Variants in ZNF704 observed in about 807,000 individuals in gnomAD.
The protein encoded by ZNF704 is glucocorticoid induced gene 1.
Under a neutral mutation model 44.7 loss-of-function variants are expected in ZNF704, and 10 were observed. That is an observed-to-expected ratio of 0.22 (90% CI 0.14 to 0.38). The LOEUF (loss-of-function observed/expected upper bound fraction) is 0.38, where lower values mean the gene tolerates loss of function less well. Among genes scored for constraint, ZNF704 ranks in the 10% least tolerant of loss-of-function variants. The probability of loss-of-function intolerance (pLI) is 1.00; values close to 1 mark genes in which losing one functional copy is unlikely to be tolerated. For synonymous variants in ZNF704, 211 were observed against 207.6 expected (o/e 1.02, Z -0.14); for missense variants, 390 against 545.5 (o/e 0.71, Z 2.84).
chr8:80,870,767 T>C (rs971351161), intron 1 of ZNF704, among the ~76,000 whole-genome samples: 3 of 152,122 alleles, frequency 2.0e-5, no homozygotes, highest in African/African-American at 4.8e-5. Flanking sequence ...AGGCTTTACA[T>C]GACATTAACA....
rs185733044 is a variant in ZNF704, at chr8:80,684,716, T to C, written c.558+2510A>G. ...CATCACGAACACAGCATTTACCACTTGTAATTATTGCCTTTTTACACATCA... is the reference window on the plus strand; with the variant it reads ...CATCACGAACACAGCATTTACCACTCGTAATTATTGCCTTTTTACACATCA... On this transcript the variant is annotated intron_variant, in intron 4 of 8. Transcript: ENST00000327835. Among the ~76,000 whole-genome samples, 326 of 152,322 alleles carry C rather than the reference T, an allele frequency of 2.1e-3. 2 individuals are homozygous for C. The highest frequency in any genetic ancestry group is 3.3e-3 in the Non-Finnish European group (225 of 68,026).
intron 2 of ZNF704, among the ~76,000 whole-genome samples, chr8:80,735,551 A>C (rs1180027440): frequency 6.6e-6 from 1 of 152,226 alleles, no homozygotes; most frequent in East Asian, 1.9e-4. Context: ...TCCAAATCTA[A>C]GTAAAGGAGT....
chr8:80,648,743 G>A (rs917810388), intron 7 of ZNF704, among the ~76,000 whole-genome samples: 6 of 152,020 alleles, frequency 3.9e-5, no homozygotes, highest in Admixed American at 1.3e-4. Flanking sequence ...TTTAATCTTC[G>A]CAACAACCCT....
In ZNF704 at chr8:80,640,136, TTCTTAAATGAATAGC is replaced by T. The variant is rs1563499917; in HGVS notation, c.*1215_*1229del. 6.6e-6 allele frequency: 1 copy of T among 152,638 alleles called. No individual in the cohort carries two copies. The highest frequency in any genetic ancestry group is 2.4e-5 in the African/African-American group (1 of 41,448). The allele number at this position is 152,638 out of a possible 1,614,324, so 9.5% of individuals were successfully genotyped here. On this transcript the variant is annotated 3_prime_UTR_variant, in exon 9 of 9. Transcript: ENST00000327835. ...GGCGTTATGTTCCCTTTTGAGCAAATTCTTAAATGAATAGCTCCAATATTTTTATAAGAAAAACTT... is the reference window on the plus strand; with the variant it reads ...GGCGTTATGTTCCCTTTTGAGCAAATTCCAATATTTTTATAAGAAAAACTT...
intron 3 of ZNF704, among the ~76,000 whole-genome samples, chr8:80,692,218 C>CA (rs1165797918): frequency 6.6e-6 from 1 of 152,046 alleles, no homozygotes; most frequent in Non-Finnish European, 1.5e-5. Context: ...TTATATGAGA[C>CA]AAAATCATAT....
In ZNF704 at chr8:80,639,676, T is replaced by G. The variant is rs1303207236; in HGVS notation, c.*1690A>C. On this transcript the variant is annotated 3_prime_UTR_variant, in exon 9 of 9. Transcript: ENST00000327835. Reference sequence around the variant, plus strand: ...AATATGTGAATGCACAGATTGTGGATGTTGCACTGTAGAACCTCCTTATAC... The same window carrying G: ...AATATGTGAATGCACAGATTGTGGAGGTTGCACTGTAGAACCTCCTTATAC... The G allele has an allele frequency of 6.6e-6, 1 of 152,618 alleles. No homozygotes were observed. The allele number at this position is 152,618 out of a possible 1,614,324, so 9.5% of individuals were successfully genotyped here.
chr8:80,771,408 C>T (rs1807317677), intron 2 of ZNF704, among the ~76,000 whole-genome samples: 1 of 151,868 alleles, frequency 6.6e-6, no homozygotes, highest in South Asian at 2.1e-4. Context: ...CATATAAGTC[C>T]TGTACATGTT....
intron 2 of ZNF704, among the ~76,000 whole-genome samples, chr8:80,718,735 T>G (rs1171043286): frequency 6.6e-6 from 1 of 152,174 alleles, no homozygotes; most frequent in Non-Finnish European, 1.5e-5. Context: ...AATAAATAAG[T>G]ACGTAACTGA....
intron 1 of ZNF704, among the ~76,000 whole-genome samples, chr8:80,862,691 G>A (rs1284897997): frequency 2.0e-5 from 3 of 146,606 alleles, no homozygotes; most frequent in Non-Finnish European, 4.5e-5. Flanking sequence ...CCTGAACCCA[G>A]GAGGCGGAGG....
At chr8:80,661,729 A>G (rs1229613547) in intron 6 of ZNF704, among the ~76,000 whole-genome samples, 1 of 152,192 alleles carries the variant, frequency 6.6e-6, no homozygotes, top group Non-Finnish European at 1.5e-5. Flanking sequence ...ATATGTGGGA[A>G]ATACAATAAT....
intron 2 of ZNF704, among the ~76,000 whole-genome samples, chr8:80,765,457 G>A (rs940376779): frequency 6.6e-6 from 1 of 152,104 alleles, no homozygotes; most frequent in Admixed American, 6.6e-5. Flanking sequence ...TCCACTCCTT[G>A]TCAACTTGGC....
chr8:80,843,971 G>GTATATA (rs143495397), intron 1 of ZNF704, among the ~76,000 whole-genome samples: 10 of 143,300 alleles, frequency 7.0e-5, no homozygotes, highest in Middle Eastern at 3.7e-3. Flanking sequence ...ATATATATGT[G>GTATATA]TATATATATA....
intron 2 of ZNF704, among the ~76,000 whole-genome samples, chr8:80,759,826 G>T (rs1449030620): frequency 3.3e-5 from 5 of 151,748 alleles, no homozygotes; most frequent in Non-Finnish European, 7.4e-5. Flanking sequence ...TCTGATCATG[G>T]CTTACTGCAG....
At chr8:80,822,541 T>C (rs987163997) in intron 1 of ZNF704, among the ~76,000 whole-genome samples, 2 of 152,224 alleles carry the variant, frequency 1.3e-5, no homozygotes, top group Non-Finnish European at 2.9e-5. Flanking sequence ...GCATGATTTA[T>C]AATCCTTTGG....
At chr8:80,665,900 T>C (rs1486593637) in intron 5 of ZNF704, among the ~76,000 whole-genome samples, 1 of 151,926 alleles carries the variant, frequency 6.6e-6, no homozygotes, top group Non-Finnish European at 1.5e-5. Context: ...CTGTGAACCA[T>C]GAGCCAATTA....
At chr8:80,812,950 G>A (rs1308997412) in intron 2 of ZNF704, among the ~76,000 whole-genome samples, 1 of 152,086 alleles carries the variant, frequency 6.6e-6, no homozygotes, top group Non-Finnish European at 1.5e-5. Flanking sequence ...TCTATTTCTT[G>A]ATTATTTACA....
chr8:80,866,209 C>T (rs1418399991), intron 1 of ZNF704, among the ~76,000 whole-genome samples: 1 of 152,096 alleles, frequency 6.6e-6, no homozygotes, highest in Non-Finnish European at 1.5e-5. Context: ...ATTGTGGTAG[C>T]TAAGAAAAGG....
At chr8:80,801,280 A>C (rs1202075554) in intron 2 of ZNF704, among the ~76,000 whole-genome samples, 16 of 152,184 alleles carry the variant, frequency 1.1e-4, no homozygotes, top group Admixed American at 1.0e-3. Context: ...ATTAACAAAG[A>C]TATTCAGGAC....
chr8:80,748,126 T>A (rs1563539854), intron 2 of ZNF704, among the ~76,000 whole-genome samples: 3 of 152,334 alleles, frequency 2.0e-5, no homozygotes, highest in South Asian at 4.1e-4. Context: ...TTCAGAAACA[T>A]CTGTTTTATA....
Sources: allele counts gnomAD v4.1 joint callset (sites outside exome capture counted in the v4.1 genomes callset), GRCh38; gene constraint gnomAD v4.1.1; transcripts MANE v1.5; gene names NCBI Gene and HGNC (gene_info 2026-07-23, HGNC 2026-07-21).